Variants in SKAP2 observed in about 807,000 individuals in gnomAD.
SKAP2 encodes src kinase-associated phosphoprotein 2.
A neutral mutation model predicts 54.9 loss-of-function variants in SKAP2; 28 were observed. The ratio of observed to expected loss-of-function variants is 0.51; its 90% CI spans 0.38 to 0.70. SKAP2 has a LOEUF of 0.70. SKAP2 is among the 30% of genes least tolerant of loss of function. The pLI, the probability that SKAP2 is intolerant of heterozygous loss-of-function variation, is 0.00. For missense variants in SKAP2, 356 were observed against 424.1 expected (o/e 0.84, Z 1.41); for synonymous variants, 137 against 134.3 (o/e 1.02, Z -0.14).
chr7:26,804,536 T>G (rs1301315910), intron 4 of SKAP2, among the ~76,000 whole-genome samples: 1 of 152,056 alleles, frequency 6.6e-6, no homozygotes, highest in African/African-American at 2.4e-5. Context: ...GTCAGGAGAT[T>G]GAGACCATCC....
intron 6 of SKAP2, among the ~76,000 whole-genome samples, chr7:26,737,520 C>T (rs75708661): frequency 0.011 from 1,605 of 152,150 alleles, 24 homozygotes; most frequent in African/African-American, 0.037. Context: ...ACAATCTTAC[C>T]TGTATGTTTT....
intron 1 of SKAP2, chr7:26,858,047 G>A (rs1584430933): frequency 6.6e-6 from 1 of 152,124 alleles, no homozygotes; most frequent in African/African-American, 2.4e-5. Flanking sequence ...CCCTTAGCCC[G>A]GTTTTTAGAA....
intron 7 of SKAP2, 194 bp downstream of exon 7, chr7:26,726,688 G>C (rs1787716620): frequency 2.3e-6 from 1 of 433,780 alleles, no homozygotes; most frequent in Admixed American, 4.1e-5. Context: ...TTTTCAAGAA[G>C]ATAGTGTGTG....
intron 9 of SKAP2, among the ~76,000 whole-genome samples, chr7:26,696,508 C>T (rs755741357): frequency 3.9e-5 from 6 of 152,068 alleles, no homozygotes; most frequent in Non-Finnish European, 1.5e-5. Context: ...AACCAGATTT[C>T]TCAGGGGAAA....
chr7:26,730,830 T>C (rs1037533300), intron 6 of SKAP2, among the ~76,000 whole-genome samples: 2 of 152,220 alleles, frequency 1.3e-5, no homozygotes, highest in Admixed American at 1.3e-4. Flanking sequence ...CCTTCTACTT[T>C]TTCACTGGCT....
chr7:26,772,441 C>T (rs187345651), intron 4 of SKAP2, among the ~76,000 whole-genome samples: 1 of 152,298 alleles, frequency 6.6e-6, no homozygotes, highest in African/African-American at 2.4e-5. Flanking sequence ...TTCATGTGTA[C>T]TCAATGTTTA....
At chr7:26,724,270 A>C (rs964650625) in intron 9 of SKAP2, among the ~76,000 whole-genome samples, 3 of 152,206 alleles carry the variant, frequency 2.0e-5, no homozygotes, top group Non-Finnish European at 2.9e-5. Flanking sequence ...TAATAAAACA[A>C]AAATGATGGT....
intron 11 of SKAP2, among the ~76,000 whole-genome samples, chr7:26,675,082 C>A (rs1786322954): frequency 6.6e-6 from 1 of 152,168 alleles, no homozygotes; most frequent in Non-Finnish European, 1.5e-5. Context: ...CTAATTCAGG[C>A]CTTCATCACC....
chr7:26,843,512 TG>T (rs1784859353), intron 4 of SKAP2, among the ~76,000 whole-genome samples: 1 of 152,036 alleles, frequency 6.6e-6, no homozygotes, highest in Non-Finnish European at 1.5e-5. Flanking sequence ...CTGCATAATA[TG>T]GTCCACTTTT....
intron 10 of SKAP2, among the ~76,000 whole-genome samples, chr7:26,687,953 T>C (rs1185493956): frequency 1.3e-5 from 2 of 152,042 alleles, no homozygotes; most frequent in South Asian, 4.1e-4. Flanking sequence ...AACTACATTA[T>C]GTTTCTTGTC....
the SKAP2 span, among the ~76,000 whole-genome samples, chr7:26,660,383 AATTATATCAAT>A: frequency 6.6e-6 from 1 of 152,134 alleles, no homozygotes; most frequent in Non-Finnish European, 1.5e-5. Flanking sequence ...ATATTCAGGC[AATTATATCAAT>A]TTTTAAAATT....
rs534347915 is a variant in SKAP2, at chr7:26,823,025, C to A, written c.307+21005G>T. The stretch of plus-strand genomic sequence containing the variant: ...AAGGCACGTAGAAAGTCGAGATAGG[C>A]CAAAAGGAAGGCCTCTTGTGCCAAA... On this transcript the variant is annotated intron_variant, in intron 4 of 12. Transcript: ENST00000345317. Among the ~76,000 whole-genome samples, 4 of 152,216 alleles carry A rather than the reference C, an allele frequency of 2.6e-5. No homozygotes were observed. The South Asian group carries it at 8.3e-4, about 32-fold the overall frequency.
chr7:26,788,375 G>T (rs1317597717), intron 4 of SKAP2, among the ~76,000 whole-genome samples: 1 of 148,686 alleles, frequency 6.7e-6, no homozygotes, highest in African/African-American at 2.5e-5. Flanking sequence ...AGAAAAAAAA[G>T]AAAAAGAAAA....
chr7:26,695,866 C>T (rs764328540), intron 9 of SKAP2, among the ~76,000 whole-genome samples: 12 of 152,096 alleles, frequency 7.9e-5, no homozygotes, highest in East Asian at 5.8e-4. Flanking sequence ...ACAAGATGCC[C>T]GAGTGGGAGA....
chr7:26,659,916 T>C, the SKAP2 span, among the ~76,000 whole-genome samples: 1 of 152,112 alleles, frequency 6.6e-6, no homozygotes, highest in Non-Finnish European at 1.5e-5. Context: ...GTGTAAATGG[T>C]AATCTGTTTT....
At chr7:26,738,389 C>T (rs371424278) in intron 6 of SKAP2, among the ~76,000 whole-genome samples, 4 of 152,148 alleles carry the variant, frequency 2.6e-5, no homozygotes, top group African/African-American at 9.7e-5. Context: ...CAGAAAGGTG[C>T]TGTTCGTATT....
At chr7:26,711,194 C>G (rs1787294054) in intron 9 of SKAP2, among the ~76,000 whole-genome samples, 1 of 152,232 alleles carries the variant, frequency 6.6e-6, no homozygotes, top group East Asian at 1.9e-4. Flanking sequence ...AAAGGTTCCA[C>G]AAAGGTGTGG....
Position 26,864,511 on chromosome 7 carries a change from C to A in SKAP2, c.-82G>T. On this transcript the variant is annotated 5_prime_UTR_variant, in exon 1 of 13. Coordinates refer to ENST00000345317, the MANE Select transcript of SKAP2 (RefSeq NM_003930.5). The stretch of plus-strand genomic sequence containing the variant: ...GGTGGGGCTGCGGCTGCGACCTAGA[C>A]TCAGGCTAGCGGCCCGGATTAAGAA... The A allele has an allele frequency of 1.3e-6, 2 of 1,510,976 alleles. No individual in the cohort carries two copies. Among genetic ancestry groups the A allele is most frequent in the South Asian group, 2.6e-5 (2 of 77,272 alleles). 93.6% of individuals were successfully genotyped at this position (1,510,976 alleles called of 1,614,324 possible). A position where few individuals can be genotyped will look rare whatever the true frequency, so the allele number is the denominator to read the frequency against.
intron 4 of SKAP2, among the ~76,000 whole-genome samples, chr7:26,778,653 G>A (rs1783363649): frequency 6.6e-6 from 1 of 151,876 alleles, no homozygotes; most frequent in African/African-American, 2.4e-5. Flanking sequence ...AAAACTGCAT[G>A]ACCTCAGATA....
Sources: gnomAD v4.1 joint callset for allele counts (sites outside exome capture counted in the v4.1 genomes callset) on GRCh38, gnomAD v4.1.1 for gene constraint, MANE v1.5 for transcripts, NCBI Gene and HGNC (gene_info 2026-07-23, HGNC 2026-07-21) for gene names.